Variants in AKAIN1 observed in about 807,000 individuals in gnomAD.
AKAIN1 encodes A-kinase anchor inhibitor 1.
A neutral mutation model predicts 3.7 loss-of-function variants in AKAIN1; 3 were observed. That is an observed-to-expected ratio of 0.82 (90% CI 0.37 to 2.12). The LOEUF (loss-of-function observed/expected upper bound fraction) is 2.12. Among genes scored for constraint, AKAIN1 ranks in the 30% most tolerant of loss-of-function variants. AKAIN1 has a pLI of 0.06. For synonymous variants in AKAIN1, 31 were observed against 30.8 expected, an observed-to-expected ratio of 1.01 and a Z score of -0.02; for missense variants, 82 against 82.7, an observed-to-expected ratio of 0.99 and a Z score of 0.03.
rs1240116516 is a variant in AKAIN1 at position 5,142,944 on chromosome 18, G to C, written c.*2618C>G. On this transcript the variant is annotated 3_prime_UTR_variant, in exon 2 of 2. Coordinates refer to ENST00000434239, the MANE Select transcript of AKAIN1 (RefSeq NM_001145194.2). The stretch of plus-strand genomic sequence containing the variant: ...ACAATACTGTTTGCACTGAACAGAT[G>C]ATTACAGCAGAGAAAAGTAACATGA... 6.6e-6 allele frequency among the ~76,000 whole-genome samples: 1 copy of C among 152,220 alleles called. No homozygotes were observed. Among genetic ancestry groups the C allele is most frequent in the Non-Finnish European group, 1.5e-5 (1 of 68,034 alleles).
In AKAIN1 at chr18:5,143,150, G is replaced by T. The variant is rs1372548438; in HGVS notation, c.*2412C>A. Among the ~76,000 whole-genome samples, 1 of 152,174 alleles carries T rather than the reference G, an allele frequency of 6.6e-6. No homozygotes were observed. Among genetic ancestry groups the T allele is most frequent in the African/African-American group, 2.4e-5 (1 of 41,452 alleles). On this transcript the variant is annotated 3_prime_UTR_variant, in exon 2 of 2. Transcript: ENST00000434239. Reference sequence around the variant, plus strand: ...TCTGGTTTATGATGATAATCAAGTGGAAATCCACCTTAATCCTATGTCAAA... The same window carrying T: ...TCTGGTTTATGATGATAATCAAGTGTAAATCCACCTTAATCCTATGTCAAA...
At chr18:5,150,540 G>A (rs1033442167) in intron 1 of AKAIN1, among the ~76,000 whole-genome samples, 2 of 152,192 alleles carry the variant, frequency 1.3e-5, no homozygotes, top group African/African-American at 4.8e-5. Flanking sequence ...CGAGAACGTG[G>A]TGTAACTGAA....
chr18:5,145,469 T>A lies in AKAIN1; in HGVS notation c.*93A>T, dbSNP rs933090460. ...TCTACAGCTAGGTGCCGGTGACACT[T>A]CGGTTTGCTTTACTGGCAACATTTT... is the stretch of plus-strand genomic sequence containing the variant. On this transcript the variant is annotated 3_prime_UTR_variant, in exon 2 of 2. Coordinates refer to ENST00000434239, the MANE Select transcript of AKAIN1 (RefSeq NM_001145194.2). 4 of 1,020,258 alleles carry A rather than the reference T, an allele frequency of 3.9e-6. No homozygotes were observed. Among genetic ancestry groups the A allele is most frequent in the Non-Finnish European group, 5.8e-6 (4 of 693,852 alleles). 63.2% of individuals were successfully genotyped at this position (1,020,258 alleles called of 1,614,324 possible). A position where few individuals can be genotyped will look rare whatever the true frequency, so the allele number is the denominator to read the frequency against.
intron 1 of AKAIN1, among the ~76,000 whole-genome samples, chr18:5,164,712 A>G (rs117031400): frequency 0.017 from 2,548 of 152,146 alleles, 35 homozygotes; most frequent in Non-Finnish European, 0.024. Flanking sequence ...TTATCGTGAC[A>G]TTTGAAAATA....
chr18:5,178,811 G>C (rs2071240748), intron 1 of AKAIN1, among the ~76,000 whole-genome samples: 1 of 152,110 alleles, frequency 6.6e-6, no homozygotes, highest in South Asian at 2.1e-4. Context: ...GTGGTTCCCA[G>C]AGCTTTCCAG....
Position 5,145,483 on chromosome 18 carries a change from T to C in AKAIN1, c.*79A>G. ...CCGGTGACACTTCGGTTTGCTTTAC[T>C]GGCAACATTTTGGAGATGCGTCCTA... On this transcript the variant is annotated 3_prime_UTR_variant, in exon 2 of 2. Coordinates refer to ENST00000434239, the MANE Select transcript of AKAIN1 (RefSeq NM_001145194.2). 8.1e-7 allele frequency: 1 copy of C among 1,228,216 alleles called. No homozygotes were observed. Among genetic ancestry groups the C allele is most frequent in the South Asian group, 1.5e-5 (1 of 67,574 alleles). The allele number at this position is 1,228,216 out of a possible 1,614,324, so 76.1% of individuals were successfully genotyped here. A position where few individuals can be genotyped will look rare whatever the true frequency, so the allele number is the denominator to read the frequency against.
At chr18:5,165,123 G>A (rs911579842) in intron 1 of AKAIN1, among the ~76,000 whole-genome samples, 6 of 151,862 alleles carry the variant, frequency 4.0e-5, no homozygotes, top group Non-Finnish European at 7.4e-5. Flanking sequence ...ACATAAAAAC[G>A]AATTGAGGAA....
At chr18:5,162,061 T>C (rs1001058049) in intron 1 of AKAIN1, among the ~76,000 whole-genome samples, 2 of 152,158 alleles carry the variant, frequency 1.3e-5, no homozygotes, top group Non-Finnish European at 2.9e-5. Context: ...GAAGGATTTA[T>C]GTGTAAAAGG....
chr18:5,184,492 A>G (rs968319309), intron 1 of AKAIN1, among the ~76,000 whole-genome samples: 3 of 152,086 alleles, frequency 2.0e-5, no homozygotes, highest in Non-Finnish European at 2.9e-5. Context: ...ACTTCAGCAA[A>G]GTTCAGGATA....
intron 1 of AKAIN1, among the ~76,000 whole-genome samples, chr18:5,172,932 C>T (rs2071205860): frequency 6.6e-6 from 1 of 151,960 alleles, no homozygotes; most frequent in South Asian, 2.1e-4. Flanking sequence ...TAATTAGATA[C>T]TTTGAAGCAA....
At chr18:5,179,815 G>T (rs77241601) in intron 1 of AKAIN1, among the ~76,000 whole-genome samples, 7 of 152,138 alleles carry the variant, frequency 4.6e-5, no homozygotes, top group Admixed American at 4.6e-4. Flanking sequence ...CTCCTTCCTC[G>T]AGGACATCTT....
chr18:5,143,471 C>T lies in AKAIN1; in HGVS notation c.*2091G>A, dbSNP rs1378742720. ...TTTAGATCAAAAGACCACTTCTTAG[C>T]ATACATCCTTTTCTCTTCAAGCCTC... On this transcript the variant is annotated 3_prime_UTR_variant, in exon 2 of 2. Coordinates refer to ENST00000434239, the MANE Select transcript of AKAIN1 (RefSeq NM_001145194.2). Among the ~76,000 whole-genome samples the T allele has an allele frequency of 1.3e-5, 2 of 152,192 alleles. No homozygotes were observed. Among genetic ancestry groups the T allele is most frequent in the Non-Finnish European group, 2.9e-5 (2 of 68,046 alleles).
intron 1 of AKAIN1, chr18:5,163,839 G>C (rs1687057469): frequency 6.6e-6 from 1 of 152,068 alleles, no homozygotes; most frequent in South Asian, 2.1e-4. Context: ...AAAAAGAAAT[G>C]CTGGCAAATA....
chr18:5,151,204 G>A (rs1013566483), intron 1 of AKAIN1, among the ~76,000 whole-genome samples: 3 of 152,140 alleles, frequency 2.0e-5, no homozygotes, highest in African/African-American at 7.2e-5. Context: ...CCTTCTGATG[G>A]CTTGAGACTG....
At position 5,196,358 on chromosome 18, in the gene AKAIN1, C is replaced by T. The variant is rs575115955; in HGVS notation, c.16+680G>A. On this transcript the variant is annotated intron_variant, in intron 1 of 1. Transcript: ENST00000434239. ...CGCACGCACACGCCGCCAAGCCGGT[C>T]AACCGCAGACAAATCTGACTCTTCG... Among the ~76,000 whole-genome samples the T allele has an allele frequency of 2.0e-3, 300 of 152,378 alleles. 1 individual carries two copies. The highest frequency in any genetic ancestry group is 6.8e-3 in the African/African-American group (281 of 41,596).
At chr18:5,191,315 G>GGAAACAA (rs2071317315) in intron 1 of AKAIN1, among the ~76,000 whole-genome samples, 2 of 152,102 alleles carry the variant, frequency 1.3e-5, no homozygotes, top group Non-Finnish European at 2.9e-5. Flanking sequence ...ATAGAAAACA[G>GGAAACAA]GGTCAACATG....
chr18:5,160,174 T>G (rs890672681), intron 1 of AKAIN1, among the ~76,000 whole-genome samples: 8 of 152,172 alleles, frequency 5.3e-5, no homozygotes, highest in African/African-American at 1.9e-4. Flanking sequence ...TGCCAACCTG[T>G]TATCCAAAGG....
chr18:5,177,036 A>G (rs8088240), intron 1 of AKAIN1, among the ~76,000 whole-genome samples: 31,267 of 152,084 alleles, frequency 0.21, 5,800 homozygotes, highest in African/African-American at 0.5. Flanking sequence ...CCAGTACCCA[A>G]TGGAATCACA....
chr18:5,174,411 G>T (rs527970407), intron 1 of AKAIN1, among the ~76,000 whole-genome samples: 1 of 152,222 alleles, frequency 6.6e-6, no homozygotes, highest in Admixed American at 6.5e-5. Flanking sequence ...AAGCAAGTTT[G>T]CCCACTTGTA....
Sources: gnomAD v4.1 joint callset for allele counts (sites outside exome capture counted in the v4.1 genomes callset) on GRCh38, gnomAD v4.1.1 for gene constraint, MANE v1.5 for transcripts, NCBI Gene and HGNC (gene_info 2026-07-23, HGNC 2026-07-21) for gene names.